Variants in PPM1B observed in about 807,000 individuals in gnomAD.
PPM1B encodes protein phosphatase 1B.
Under a neutral mutation model 43.0 loss-of-function variants are expected in PPM1B, and 22 were observed. The observed-to-expected ratio is 0.51, with a 90% CI of 0.37 to 0.73. The LOEUF (loss-of-function observed/expected upper bound fraction) is 0.73. Ranked by LOEUF, PPM1B falls within the 30% of genes least tolerant of loss-of-function variation. The pLI is 0.00. For missense variants in PPM1B, 632 were observed against 584.2 expected, an observed-to-expected ratio of 1.08 and a Z score of -0.84; for synonymous variants, 217 against 197.9, an observed-to-expected ratio of 1.10 and a Z score of -0.81.
At chr2:44,217,103 T>C (rs1420797745) in intron 3 of PPM1B, among the ~76,000 whole-genome samples, 1 of 151,456 alleles carries the variant, frequency 6.6e-6, no homozygotes, top group Non-Finnish European at 1.5e-5. Flanking sequence ...ACAGTTGTTT[T>C]GAAAGTAAGG....
intron 1 of PPM1B, among the ~76,000 whole-genome samples, chr2:44,195,424 C>T (rs762025268): frequency 1.8e-4 from 28 of 152,044 alleles, no homozygotes; most frequent in Non-Finnish European, 3.7e-4. Context: ...GTTGCCCAGG[C>T]GGTCTTGAAC....
intron 1 of PPM1B, among the ~76,000 whole-genome samples, chr2:44,178,979 G>C (rs1486246790): frequency 6.6e-6 from 1 of 152,210 alleles, no homozygotes; most frequent in Non-Finnish European, 1.5e-5. Flanking sequence ...TAAATGGTGT[G>C]ATTGGGCTGT....
At chr2:44,233,826 A>G (rs1670536427), downstream of PPM1B, 1 of 985,554 alleles carries the variant, frequency 1.0e-6, no homozygotes, top group African/African-American at 1.7e-5. Context: ...TTTAGATTTT[A>G]GCCTTGTAAG....
In PPM1B at chr2:44,231,224, T is replaced by C; in HGVS notation, c.*506T>C. The C allele has an allele frequency of 5.1e-6, 5 of 983,260 alleles. No individual in the cohort carries two copies. Among genetic ancestry groups the C allele is most frequent in the Non-Finnish European group, 6.0e-6 (5 of 827,892 alleles). 60.9% of individuals were successfully genotyped at this position (983,260 alleles called of 1,614,324 possible). ...ATGATAATTTGTGTGTTGTTTGATT[T>C]GTTTATATTTTACATCTCTGTAGTT... is the stretch of plus-strand genomic sequence containing the variant. On this transcript the variant is annotated 3_prime_UTR_variant, in exon 6 of 6. Transcript: ENST00000282412.
chr2:44,207,029 A>G (rs1016884033), intron 2 of PPM1B, among the ~76,000 whole-genome samples: 1 of 152,232 alleles, frequency 6.6e-6, no homozygotes, highest in African/African-American at 2.4e-5. Flanking sequence ...TAATTTGGCC[A>G]ATTTGGAAAT....
chr2:44,210,439 C>G (rs902513533), intron 3 of PPM1B, among the ~76,000 whole-genome samples: 102 of 152,040 alleles, frequency 6.7e-4, no homozygotes, highest in Admixed American at 6.4e-3. Context: ...AGGGTGGTCT[C>G]AAACTCCTGG....
intron 3 of PPM1B, among the ~76,000 whole-genome samples, chr2:44,212,037 A>C (rs1669495504): frequency 6.6e-6 from 1 of 152,088 alleles, no homozygotes; most frequent in African/African-American, 2.4e-5. Flanking sequence ...GGCGTGAATC[A>C]CCGCGCCTGG....
chr2:44,176,888 C>G (rs1667607720), intron 1 of PPM1B, among the ~76,000 whole-genome samples: 1 of 152,182 alleles, frequency 6.6e-6, no homozygotes, highest in Non-Finnish European at 1.5e-5. Flanking sequence ...TCAAGCGATT[C>G]TCCTGCCTCA....
intron 1 of PPM1B, among the ~76,000 whole-genome samples, chr2:44,177,679 A>C (rs1292738429): frequency 6.6e-6 from 1 of 151,778 alleles, no homozygotes; most frequent in Non-Finnish European, 1.5e-5. Flanking sequence ...CGGCCTCCCA[A>C]AGTGCTGGGA....
intron 1 of PPM1B, among the ~76,000 whole-genome samples, chr2:44,174,203 T>G (rs1667476941): frequency 6.6e-6 from 1 of 152,232 alleles, no homozygotes. Context: ...AGCTTTAAAT[T>G]GATTCATTTC....
At chr2:44,195,835 A>G (rs1005362883) in intron 1 of PPM1B, among the ~76,000 whole-genome samples, 4 of 152,184 alleles carry the variant, frequency 2.6e-5, no homozygotes, top group Non-Finnish European at 5.9e-5. Context: ...AGAAAATACC[A>G]TGTAGCTCTG....
At chr2:44,206,715 T>G (rs1011082240) in intron 2 of PPM1B, among the ~76,000 whole-genome samples, 1 of 152,118 alleles carries the variant, frequency 6.6e-6, no homozygotes, top group African/African-American at 2.4e-5. Flanking sequence ...AGTGTAATTA[T>G]GCTTGATTCT....
rs78984023 is a variant in PPM1B at position 44,201,349 on chromosome 2, G to A, written c.150G>A (p.Leu50=). The change falls in exon 2 of 6, where the codon TTG becomes TTA. Residue 50 remains leucine, a synonymous_variant. Coordinates refer to ENST00000282412, the MANE Select transcript of PPM1B (RefSeq NM_002706.6). This position sits in a 1 kb window ranked among gnomAD's most constrained non-coding sequence, Gnocchi z 5.4. The part of the protein sequence containing the change: ...HTAVVGIPHG[L]EDWSFFAVYD... ...CTGTTGTAGGTATTCCTCACGGCTT[G>A]GAAGACTGGTCATTTTTTGCAGTTT... 6.2e-7 allele frequency: 1 copy of A among 1,614,002 alleles called. No homozygotes were observed. The highest frequency in any genetic ancestry group is 1.3e-5 in the African/African-American group (1 of 74,892).
At chr2:44,195,791 A>G (rs1049025531) in intron 1 of PPM1B, among the ~76,000 whole-genome samples, 3 of 152,210 alleles carry the variant, frequency 2.0e-5, no homozygotes, top group Non-Finnish European at 1.5e-5. Flanking sequence ...CTTGTAACCA[A>G]TAATGCAGCA....
intron 5 of PPM1B, among the ~76,000 whole-genome samples, chr2:44,243,127 A>T (rs1670785453): frequency 6.6e-6 from 1 of 152,188 alleles, no homozygotes; most frequent in South Asian, 2.1e-4. Flanking sequence ...TTTCGATGCC[A>T]GCTTTTCCTA....
intron 3 of PPM1B, among the ~76,000 whole-genome samples, chr2:44,214,052 T>C (rs369515264): frequency 1.8e-4 from 28 of 152,298 alleles, no homozygotes; most frequent in East Asian, 1.4e-3. Context: ...GTTTCTTTAT[T>C]GGAAACTAAA....
intron 1 of PPM1B, among the ~76,000 whole-genome samples, chr2:44,181,822 T>C (rs1172784216): frequency 1.3e-5 from 2 of 152,142 alleles, no homozygotes; most frequent in African/African-American, 2.4e-5. Flanking sequence ...CTGAAGTCAG[T>C]GTAGACATAG....
chr2:44,210,040 C>T (rs936660687), intron 3 of PPM1B, among the ~76,000 whole-genome samples: 2 of 152,094 alleles, frequency 1.3e-5, no homozygotes, highest in Non-Finnish European at 2.9e-5. Flanking sequence ...AGTGAAATTT[C>T]CCCTAACAGT....
intron 1 of PPM1B, among the ~76,000 whole-genome samples, chr2:44,191,719 C>T (rs985471371): frequency 3.3e-5 from 5 of 152,048 alleles, no homozygotes; most frequent in African/African-American, 1.2e-4. Context: ...ACTCTATAAC[C>T]AACAATTCTC....
Sources: gnomAD v4.1 joint callset for allele counts (sites outside exome capture counted in the v4.1 genomes callset) on GRCh38, gnomAD v4.1.1 for gene constraint, Gnocchi (gnomAD v3.1) non-coding constraint, MANE v1.5 for transcripts, NCBI Gene and HGNC (gene_info 2026-07-23, HGNC 2026-07-21) for gene names.